RFX2: variants seen among roughly 807,000 people sequenced by gnomAD.
RFX2 encodes regulatory factor X2.
Under a neutral mutation model 87.8 loss-of-function variants are expected in RFX2, and 20 were observed. That is an observed-to-expected ratio of 0.23 (90% CI 0.16 to 0.33). The LOEUF (loss-of-function observed/expected upper bound fraction) is 0.33. RFX2 is among the 10% of genes least tolerant of loss of function. RFX2 has a pLI of 1.00. For synonymous variants in RFX2, 397 were observed against 431.3 expected (o/e 0.92, Z 0.98); for missense variants, 767 against 1,012.3 (o/e 0.76, Z 3.29).
chr19:6,008,372 TTTC>T, intron 9 of RFX2, 148 bp from the exon 10 acceptor site: 1 of 480,818 alleles, frequency 2.1e-6, no homozygotes. Flanking sequence ...TCTTTTTCTT[TTTC>T]TTTTTTTTTT....
chr19:6,044,323 G>T lies in RFX2; in HGVS notation c.91-41C>A. 7.8e-7 allele frequency: 1 copy of T among 1,286,924 alleles called. No homozygotes were observed. The highest frequency in any genetic ancestry group is 1.1e-6 in the Non-Finnish European group (1 of 947,848). 79.7% of individuals were successfully genotyped at this position (1,286,924 alleles called of 1,614,324 possible). On this transcript the variant is annotated intron_variant, in intron 2 of 17. Coordinates refer to ENST00000303657, the MANE Select transcript of RFX2 (RefSeq NM_000635.4). This position sits in a 1 kb window ranked among gnomAD's most constrained non-coding sequence, Gnocchi z 5.3. ...GAGAAGGCCAGTTAGACTTGTCAGA[G>T]GTCAGTGCTGAGGATACACACAGAA...
At chr19:6,009,988 C>G in intron 9 of RFX2, 148 bp downstream of exon 9, 1 of 506,002 alleles carries the variant, frequency 2.0e-6, no homozygotes, top group Non-Finnish European at 3.5e-6. Flanking sequence ...GAAGGTTTAT[C>G]GAAAACTTTC....
intron 1 of RFX2, among the ~76,000 whole-genome samples, chr19:6,085,254 C>T (rs1009873792): frequency 2.0e-5 from 3 of 152,196 alleles, no homozygotes; most frequent in Non-Finnish European, 4.4e-5. Flanking sequence ...GGGTTCAGTT[C>T]CAATTTTTCC....
chr19:6,090,638 C>T (rs1019803336), intron 1 of RFX2, among the ~76,000 whole-genome samples: 1 of 152,182 alleles, frequency 6.6e-6, no homozygotes, highest in Non-Finnish European at 1.5e-5. Context: ...AGTTACCATA[C>T]GACTCAGCAA....
intron 3 of RFX2, 131 bp from the exon 4 acceptor site, chr19:6,042,254 G>T: frequency 1.3e-6 from 1 of 771,578 alleles, no homozygotes; most frequent in Non-Finnish European, 2.2e-6. Flanking sequence ...CCCGCCCACA[G>T]TCGGCACGCC....
In RFX2 at chr19:6,039,666, A is replaced by G. The variant is rs2087075680; in HGVS notation, c.522+314T>C. Among the ~76,000 whole-genome samples, 1 of 152,234 alleles carries G rather than the reference A, an allele frequency of 6.6e-6. No homozygotes were observed. On this transcript the variant is annotated intron_variant, in intron 5 of 17. Transcript: ENST00000303657. This position sits in a 1 kb window ranked among gnomAD's most constrained non-coding sequence, Gnocchi z 5.2. ...CTTGATAGTAACAACGATAACAATA[A>G]TAAGAGCAAAGGAGGCTGCAGCATC...
In RFX2 at chr19:6,085,412, G is replaced by A. The variant is rs369975119; in HGVS notation, c.-9+24981C>T. 1.9e-4 allele frequency among the ~76,000 whole-genome samples: 29 copies of A among 152,300 alleles called. 1 individual carries two copies. Among genetic ancestry groups the A allele is most frequent in the African/African-American group, 7.0e-4 (29 of 41,548 alleles). On this transcript the variant is annotated intron_variant, in intron 1 of 17. Transcript: ENST00000303657. ...CTTTCCAACTGCTTATTGGCCATCT[G>A]AATATCTTCTTTGAAGAAAGAGAAA...
chr19:6,038,379 C>T (rs1038928791), intron 5 of RFX2, among the ~76,000 whole-genome samples: 91 of 110,540 alleles, frequency 8.2e-4, no homozygotes, highest in African/African-American at 2.8e-3. Flanking sequence ...AACTATAAAA[C>T]TTTTCAAAGA....
intron 1 of RFX2, among the ~76,000 whole-genome samples, chr19:6,078,545 A>G (rs1262609293): frequency 6.6e-6 from 1 of 152,186 alleles, no homozygotes; most frequent in Non-Finnish European, 1.5e-5. Flanking sequence ...GGCACACAGT[A>G]GGCTCTCAAA....
At chr19:6,003,361 G>A (rs902037734) in intron 13 of RFX2, among the ~76,000 whole-genome samples, 1 of 152,082 alleles carries the variant, frequency 6.6e-6, no homozygotes, top group African/African-American at 2.4e-5. Flanking sequence ...CACTGCACCG[G>A]CCCTGAATGT....
Position 5,997,484 on chromosome 19 carries a change from G to A in RFX2, c.1860-271C>T, listed in dbSNP as rs72991038. On this transcript the variant is annotated intron_variant, in intron 15 of 17. Coordinates refer to ENST00000303657, the MANE Select transcript of RFX2 (RefSeq NM_000635.4). This position sits in a 1 kb window ranked among gnomAD's most constrained non-coding sequence, Gnocchi z 4.2. ...GGAGATGGGCAGTCAGCCCCAAAGCGACAGGCTGCGGGAAACAACTGTGGC... is the reference window on the plus strand; with the variant it reads ...GGAGATGGGCAGTCAGCCCCAAAGCAACAGGCTGCGGGAAACAACTGTGGC... 0.15 allele frequency: 58,733 copies of A among 393,006 alleles called. 5,378 individuals carry two copies. The highest frequency in any genetic ancestry group is 0.19 in the Non-Finnish European group (40,736 of 219,278). 24.3% of individuals were successfully genotyped at this position (393,006 alleles called of 1,614,324 possible). A position where few individuals can be genotyped will look rare whatever the true frequency, so the allele number is the denominator to read the frequency against.
chr19:6,077,308 A>AGACAGGCAAGGGCACCAGGGTTAGCCAG (rs2087706247), intron 1 of RFX2, among the ~76,000 whole-genome samples: 3 of 152,182 alleles, frequency 2.0e-5, no homozygotes, highest in Non-Finnish European at 2.9e-5. Flanking sequence ...GCTGGGTCAA[A>AGACAGGCAAGGGCACCAGGGTTAGCCAG]GACAGGCAAG....
At chr19:6,003,778 C>CAAAAAAAAAAAAAA in intron 13 of RFX2, among the ~76,000 whole-genome samples, 1 of 41,970 alleles carries the variant, frequency 2.4e-5, no homozygotes, top group Non-Finnish European at 5.1e-5. Flanking sequence ...GACTCTGTCT[C>CAAAAAAAAAAAAAA]AAAAAAAAAA....
chr19:5,996,969 G>C (rs377579398), intron 16 of RFX2, 91 bp downstream of exon 16: 19 of 1,352,886 alleles, frequency 1.4e-5, no homozygotes, highest in Non-Finnish European at 1.8e-5. Flanking sequence ...TGGGACCTGC[G>C]AGTGTCCTCT....
In RFX2 at chr19:6,101,064, T is replaced by C. The variant is rs1224003107; in HGVS notation, c.-9+9329A>G. On this transcript the variant is annotated intron_variant, in intron 1 of 17. Coordinates refer to ENST00000303657, the MANE Select transcript of RFX2 (RefSeq NM_000635.4). This position sits in a 1 kb window ranked among gnomAD's most constrained non-coding sequence, Gnocchi z 4.9. ...GGTTTCTAACAATTTTAAATTTGTC[T>C]AGTGCCTTCTCCCCTCTCAACTGTC... Among the ~76,000 whole-genome samples the C allele has an allele frequency of 2.0e-5, 3 of 152,220 alleles. No homozygotes were observed. Among genetic ancestry groups the C allele is most frequent in the Admixed American group, 2.0e-4 (3 of 15,278 alleles).
rs2087669367 is a variant in RFX2 at position 6,075,000 on chromosome 19, T to C, written c.-8-27496A>G. On this transcript the variant is annotated intron_variant, in intron 1 of 17. Coordinates refer to ENST00000303657, the MANE Select transcript of RFX2 (RefSeq NM_000635.4). This position sits in a 1 kb window ranked among gnomAD's most constrained non-coding sequence, Gnocchi z 5.2. Reference sequence around the variant, plus strand: ...AGGTCATGAGGGTGGGATCATGCCCTCCCTTATGGAAGGGACCCCAGAGAG... The same window carrying C: ...AGGTCATGAGGGTGGGATCATGCCCCCCCTTATGGAAGGGACCCCAGAGAG... Among the ~76,000 whole-genome samples, 1 of 151,958 alleles carries C rather than the reference T, an allele frequency of 6.6e-6. No homozygotes were observed. The highest frequency in any genetic ancestry group is 2.4e-5 in the African/African-American group (1 of 41,350).
At position 5,999,458 on chromosome 19, in the gene RFX2, A is replaced by G. The variant is rs926346213; in HGVS notation, c.1860-2245T>C. Among the ~76,000 whole-genome samples, 1 of 151,986 alleles carries G rather than the reference A, an allele frequency of 6.6e-6. No homozygotes were observed. The highest frequency in any genetic ancestry group is 1.5e-5 in the Non-Finnish European group (1 of 67,996). ...CTTCCCTCTGTCCATGGAGACTGGC[A>G]TCGGCATCCCTACGCTGTCTCTTCC... On this transcript the variant is annotated intron_variant, in intron 15 of 17. Transcript: ENST00000303657. The surrounding 1 kb of genome is among the most constrained non-coding windows in gnomAD (Gnocchi z 4.1).
rs754620194 is a variant in RFX2 at position 6,010,125 on chromosome 19, G to T, written c.1015+11C>A. On this transcript the variant is annotated intron_variant, in intron 9 of 17. Coordinates refer to ENST00000303657, the MANE Select transcript of RFX2 (RefSeq NM_000635.4). This position sits in a 1 kb window ranked among gnomAD's most constrained non-coding sequence, Gnocchi z 5.0. ...GGGAGCCCCGCCCCCGGGCCTGACC[G>T]GGCCTCTCACCTATGTACTGCTGGT... The T allele has an allele frequency of 6.6e-7, 1 of 1,520,170 alleles. No homozygotes were observed. Among genetic ancestry groups the T allele is most frequent in the Non-Finnish European group, 8.9e-7 (1 of 1,122,116 alleles). The allele number at this position is 1,520,170 out of a possible 1,614,324, so 94.2% of individuals were successfully genotyped here. A position where few individuals can be genotyped will look rare whatever the true frequency, so the allele number is the denominator to read the frequency against.
Position 5,998,456 on chromosome 19 carries a change from A to C in RFX2, c.1860-1243T>G, listed in dbSNP as rs12978722. Among the ~76,000 whole-genome samples the C allele has an allele frequency of 6.6e-6, 1 of 151,998 alleles. No individual in the cohort carries two copies. The highest frequency in any genetic ancestry group is 1.5e-5 in the Non-Finnish European group (1 of 67,976). On this transcript the variant is annotated intron_variant, in intron 15 of 17. Transcript: ENST00000303657. The surrounding 1 kb of genome is among the most constrained non-coding windows in gnomAD (Gnocchi z 4.2). ...CCCGGCTCGAAGTATACTTTCATAA[A>C]CTCTGTTACGTCTAATCGGTATCGA... is the stretch of plus-strand genomic sequence containing the variant.
Sources: allele counts gnomAD v4.1 joint callset (sites outside exome capture counted in the v4.1 genomes callset), GRCh38; gene constraint gnomAD v4.1.1; non-coding constraint Gnocchi (gnomAD v3.1); transcripts MANE v1.5; gene names NCBI Gene and HGNC (gene_info 2026-07-23, HGNC 2026-07-21).